TCF7L2: variants seen among roughly 807,000 people sequenced by gnomAD.
The protein encoded by TCF7L2 is transcription factor 7 like 2, also known as transcription factor 7-like 2.
Under a neutral mutation model 77.9 loss-of-function variants are expected in TCF7L2, and 23 were observed. The ratio of observed to expected loss-of-function variants is 0.30; its 90% CI spans 0.21 to 0.42. TCF7L2 has a LOEUF of 0.42. Among genes scored for constraint, TCF7L2 ranks in the 10% least tolerant of loss-of-function variants. The probability of loss-of-function intolerance (pLI) is 1.00; values close to 1 mark genes in which losing one functional copy is unlikely to be tolerated. For missense variants in TCF7L2, 654 were observed against 793.1 expected, an observed-to-expected ratio of 0.82 and a Z score of 2.11; for synonymous variants, 413 against 340.2, an observed-to-expected ratio of 1.21 and a Z score of -2.36.
At position 113,151,377 on chromosome 10, in the gene TCF7L2, C is replaced by G. The variant is rs1193517109; in HGVS notation, c.1001+254C>G. 2.0e-5 allele frequency among the ~76,000 whole-genome samples: 3 copies of G among 152,034 alleles called. No homozygotes were observed. The highest frequency in any genetic ancestry group is 2.9e-5 in the Non-Finnish European group (2 of 68,024). On this transcript the variant is annotated intron_variant, in intron 9 of 13. Coordinates refer to ENST00000627217, the MANE Select transcript of TCF7L2 (RefSeq NM_001146274.2). The surrounding 1 kb of genome is among the most constrained non-coding windows in gnomAD (Gnocchi z 5.2). ...ACTTGGATACACTGGGATTTGCAAC[C>G]ACTTCCCTGCCCCCTAACCGCATCA...
At chr10:113,081,820 A>G (rs2059342717) in intron 5 of TCF7L2, among the ~76,000 whole-genome samples, 1 of 152,074 alleles carries the variant, frequency 6.6e-6, no homozygotes, top group East Asian at 1.9e-4. Flanking sequence ...GTCTGTTTGA[A>G]CTTCATTATT....
intron 4 of TCF7L2, among the ~76,000 whole-genome samples, chr10:113,010,181 G>A (rs1377277101): frequency 6.6e-6 from 1 of 152,058 alleles, no homozygotes; most frequent in Non-Finnish European, 1.5e-5. Context: ...AGATTGGTGG[G>A]GCAGGGCAGC....
chr10:112,950,988 C>T (rs1158364138), intron 1 of TCF7L2, 43 bp downstream of exon 1: 1 of 1,574,710 alleles, frequency 6.4e-7, no homozygotes, highest in Non-Finnish European at 8.6e-7. Context: ...TTATCTGTTT[C>T]CTGGGCTTGG....
At chr10:113,146,131 C>A (rs2069342563) in intron 8 of TCF7L2, 34 bp downstream of exon 8, 2 of 1,599,514 alleles carry the variant, frequency 1.3e-6, no homozygotes, top group Non-Finnish European at 1.7e-6. Flanking sequence ...TCATCCAAGG[C>A]CATGTGTGAC....
intron 4 of TCF7L2, among the ~76,000 whole-genome samples, chr10:112,974,931 G>A (rs2039087274): frequency 6.6e-6 from 1 of 151,726 alleles, no homozygotes; most frequent in Admixed American, 6.6e-5. Context: ...TTGGTTGCAT[G>A]GTATCAAATC....
chr10:113,121,742 AAC>A (rs10543361), intron 5 of TCF7L2, among the ~76,000 whole-genome samples: 5,650 of 150,926 alleles, frequency 0.037, 376 homozygotes, highest in African/African-American at 0.13. Context: ...ACATACACAC[AAC>A]ACACACACAC....
At chr10:112,964,775 GTGA>G (rs1564719085) in intron 4 of TCF7L2, among the ~76,000 whole-genome samples, 151 bp downstream of exon 4, 7 of 140,226 alleles carry the variant, frequency 5.0e-5, no homozygotes, top group African/African-American at 2.0e-4. Context: ...GGTGGTGGTG[GTGA>G]TGGTGGTGGT....
intron 13 of TCF7L2, among the ~76,000 whole-genome samples, 153 bp from the exon 15 acceptor site, chr10:113,165,402 G>A (rs1429480844): frequency 6.6e-6 from 1 of 152,072 alleles, no homozygotes; most frequent in Non-Finnish European, 1.5e-5. Flanking sequence ...CCCACCCTGG[G>A]GGGGCGCCAC....
chr10:113,016,036 A>G (rs955932223), intron 4 of TCF7L2, among the ~76,000 whole-genome samples: 2 of 150,514 alleles, frequency 1.3e-5, no homozygotes, highest in Non-Finnish European at 2.9e-5. Context: ...AAAGTACTGT[A>G]TTGCTAGGCT....
intron 5 of TCF7L2, among the ~76,000 whole-genome samples, chr10:113,067,702 C>T (rs1370679735): frequency 6.6e-6 from 1 of 152,094 alleles, no homozygotes; most frequent in African/African-American, 2.4e-5. Context: ...GAGTCCTTAG[C>T]CCAGTTAGAA....
In TCF7L2 at chr10:113,149,715, C is replaced by T. The variant is rs1275206438; in HGVS notation, c.876-1283C>T. On this transcript the variant is annotated intron_variant, in intron 8 of 13. Transcript: ENST00000627217. ...CCACCAGAATTGGCTTTGTAAAGAG[C>T]AGATTGTTATTCCTTGGATGGTACA... Among the ~76,000 whole-genome samples the T allele has an allele frequency of 2.8e-5, 4 of 145,136 alleles. No homozygotes were observed. In the East Asian group the frequency reaches 5.8e-4, roughly 21 times the overall value.
At chr10:113,047,465 A>G (rs2053660939) in intron 5 of TCF7L2, among the ~76,000 whole-genome samples, 1 of 152,212 alleles carries the variant, frequency 6.6e-6, no homozygotes, top group Non-Finnish European at 1.5e-5. Flanking sequence ...AAAACAGGCA[A>G]ACGAAATCAT....
intron 4 of TCF7L2, among the ~76,000 whole-genome samples, chr10:113,011,356 A>G (rs1362317684): frequency 2.6e-5 from 4 of 152,164 alleles, no homozygotes; most frequent in East Asian, 1.9e-4. Flanking sequence ...GGGGTTTCCA[A>G]GCTAGAATGG....
At chr10:113,020,928 G>GACTA (rs2048175324) in intron 4 of TCF7L2, among the ~76,000 whole-genome samples, 1 of 152,142 alleles carries the variant, frequency 6.6e-6, no homozygotes, top group South Asian at 2.1e-4. Context: ...AGGTCGGAGA[G>GACTA]ACTAACTCTC....
chr10:113,043,865 G>A (rs1266677006), intron 5 of TCF7L2, among the ~76,000 whole-genome samples: 1 of 152,066 alleles, frequency 6.6e-6, no homozygotes, highest in Admixed American at 6.5e-5. Context: ...AAGCTGTGGG[G>A]TTAGGAGCCG....
intron 4 of TCF7L2, among the ~76,000 whole-genome samples, chr10:112,970,951 C>A (rs148385982): frequency 6.6e-6 from 1 of 152,298 alleles, no homozygotes; most frequent in East Asian, 1.9e-4. Flanking sequence ...AGAGAGAGAT[C>A]ATTTCACTAG....
chr10:112,966,184 T>TATATATATTTATA (rs2036754580), intron 4 of TCF7L2, among the ~76,000 whole-genome samples: 2 of 114,280 alleles, frequency 1.8e-5, no homozygotes, highest in Admixed American at 1.6e-4. Flanking sequence ...TAAAATATAT[T>TATATATATTTATA]TATATATATA....
chr10:113,119,683 A>ATTT (rs1555086744), intron 5 of TCF7L2, among the ~76,000 whole-genome samples: 44 of 150,288 alleles, frequency 2.9e-4, no homozygotes, highest in African/African-American at 1.0e-3. Context: ...TTTTTTTTTA[A>ATTT]AAAAACTTAT....
At chr10:113,069,197 A>C (rs1390892915) in intron 5 of TCF7L2, among the ~76,000 whole-genome samples, 1 of 148,900 alleles carries the variant, frequency 6.7e-6, no homozygotes, top group Non-Finnish European at 1.5e-5. Flanking sequence ...TGTTGTGTCC[A>C]GCTCAGAGGG....
Sources: gnomAD v4.1 joint callset for allele counts (sites outside exome capture counted in the v4.1 genomes callset) on GRCh38, gnomAD v4.1.1 for gene constraint, Gnocchi (gnomAD v3.1) non-coding constraint, MANE v1.5 for transcripts, NCBI Gene and HGNC (gene_info 2026-07-23, HGNC 2026-07-21) for gene names.